MLLT3: variants seen among roughly 807,000 people sequenced by gnomAD.
The protein encoded by MLLT3 is MLLT3 super elongation complex subunit, also known as protein AF-9.
In MLLT3, 4 loss-of-function variants were observed where a neutral mutation model predicts 53.2. The observed-to-expected ratio is 0.08, with a 90% CI of 0.04 to 0.17. The LOEUF (loss-of-function observed/expected upper bound fraction) is 0.17, where lower values mean the gene tolerates loss of function less well. Among genes scored for constraint, MLLT3 ranks in the 10% least tolerant of loss-of-function variants. The pLI is 1.00. For missense variants in MLLT3, 569 were observed against 684.0 expected (o/e 0.83, Z 1.87); for synonymous variants, 283 against 230.6 (o/e 1.23, Z -2.06).
chr9:20,540,172 C>A (rs1320493272), intron 2 of MLLT3, among the ~76,000 whole-genome samples: 1 of 152,214 alleles, frequency 6.6e-6, no homozygotes, highest in South Asian at 2.1e-4. Context: ...AAGGTAGAGC[C>A]GCCACAGCTG....
At chr9:20,393,287 T>A (rs1253472481) in intron 5 of MLLT3, among the ~76,000 whole-genome samples, 2 of 152,210 alleles carry the variant, frequency 1.3e-5, no homozygotes, top group Non-Finnish European at 2.9e-5. Flanking sequence ...TTTCCAAATG[T>A]TCCTTAACTA....
intron 2 of MLLT3, among the ~76,000 whole-genome samples, chr9:20,550,022 C>T (rs958755653): frequency 2.0e-5 from 3 of 152,212 alleles, no homozygotes; most frequent in African/African-American, 4.8e-5. Context: ...GAACTGCTAA[C>T]TAAGGAATTG....
At chr9:20,462,246 C>G (rs1284202709) in intron 2 of MLLT3, among the ~76,000 whole-genome samples, 1 of 152,160 alleles carries the variant, frequency 6.6e-6, no homozygotes, top group Non-Finnish European at 1.5e-5. Context: ...TTTATTCATC[C>G]CACTTCAAAA....
intron 2 of MLLT3, among the ~76,000 whole-genome samples, chr9:20,476,874 T>C (rs547982489): frequency 1.3e-5 from 2 of 152,194 alleles, no homozygotes; most frequent in Non-Finnish European, 2.9e-5. Flanking sequence ...TTTAAATTTA[T>C]ATCAATAACC....
chr9:20,426,909 C>G (rs1823151971), intron 4 of MLLT3, among the ~76,000 whole-genome samples: 1 of 152,130 alleles, frequency 6.6e-6, no homozygotes, highest in African/African-American at 2.4e-5. Context: ...ACACGCATGA[C>G]TGTGTTCTCC....
intron 2 of MLLT3, among the ~76,000 whole-genome samples, chr9:20,551,943 T>C (rs1818935470): frequency 6.6e-6 from 1 of 152,168 alleles, no homozygotes; most frequent in Admixed American, 6.5e-5. Context: ...CACAAACAAA[T>C]ACACAAACCT....
chr9:20,385,099 TTA>T (rs1822002334), intron 5 of MLLT3, among the ~76,000 whole-genome samples: 1 of 152,170 alleles, frequency 6.6e-6, no homozygotes, highest in Non-Finnish European at 1.5e-5. Flanking sequence ...GTAAAGGTAC[TTA>T]ATAAAAATCT....
chr9:20,388,203 C>T (rs1822089400), intron 5 of MLLT3, among the ~76,000 whole-genome samples: 1 of 152,158 alleles, frequency 6.6e-6, no homozygotes, highest in Non-Finnish European at 1.5e-5. Flanking sequence ...TTCTAATAAA[C>T]AACAAAACTA....
chr9:20,476,596 C>T (rs1455795073), intron 2 of MLLT3, among the ~76,000 whole-genome samples: 2 of 151,992 alleles, frequency 1.3e-5, no homozygotes, highest in African/African-American at 2.4e-5. Flanking sequence ...CAAACAAAAG[C>T]TTATAAAATT....
intron 2 of MLLT3, among the ~76,000 whole-genome samples, chr9:20,599,959 C>T (rs1373574327): frequency 1.3e-5 from 2 of 152,000 alleles, no homozygotes; most frequent in South Asian, 2.1e-4. Context: ...TTATATTGTA[C>T]GATGCTAACC....
chr9:20,575,325 G>A (rs923936572), intron 2 of MLLT3, among the ~76,000 whole-genome samples: 1 of 152,100 alleles, frequency 6.6e-6, no homozygotes, highest in Non-Finnish European at 1.5e-5. Context: ...TACTATCTAT[G>A]GCAGCTATAG....
At chr9:20,588,819 C>G (rs1820048458) in intron 2 of MLLT3, among the ~76,000 whole-genome samples, 1 of 151,982 alleles carries the variant, frequency 6.6e-6, no homozygotes. Flanking sequence ...CTTTTCCTAA[C>G]AAACACATGA....
intron 2 of MLLT3, among the ~76,000 whole-genome samples, chr9:20,464,406 T>A (rs927054327): frequency 6.6e-6 from 1 of 152,048 alleles, no homozygotes; most frequent in Non-Finnish European, 1.5e-5. Flanking sequence ...ATAAACGTAA[T>A]TGACAGGTCC....
intron 5 of MLLT3, among the ~76,000 whole-genome samples, chr9:20,397,127 T>C (rs1378212757): frequency 2.0e-5 from 3 of 152,172 alleles, no homozygotes; most frequent in Non-Finnish European, 2.9e-5. Flanking sequence ...CAGAGACTTG[T>C]ATAGCTGTTA....
intron 2 of MLLT3, among the ~76,000 whole-genome samples, chr9:20,560,623 A>C (rs1292367066): frequency 6.6e-6 from 1 of 152,144 alleles, no homozygotes; most frequent in Non-Finnish European, 1.5e-5. Context: ...ATAGTAGAAG[A>C]AGCTGGGTGT....
At chr9:20,571,534 G>A (rs183450606) in intron 2 of MLLT3, among the ~76,000 whole-genome samples, 1 of 152,184 alleles carries the variant, frequency 6.6e-6, no homozygotes, top group Non-Finnish European at 1.5e-5. Flanking sequence ...GTGGTTTGCT[G>A]CACCCATCAA....
chr9:20,514,103 G>A (rs1049858645), intron 2 of MLLT3, among the ~76,000 whole-genome samples: 2 of 152,218 alleles, frequency 1.3e-5, no homozygotes, highest in East Asian at 3.8e-4. Context: ...GTCTCCTGAG[G>A]AAAGCAACAG....
At chr9:20,455,292 G>A (rs995837733) in intron 3 of MLLT3, among the ~76,000 whole-genome samples, 13 of 152,330 alleles carry the variant, frequency 8.5e-5, no homozygotes, top group African/African-American at 3.1e-4. Flanking sequence ...TGGAGAGAAA[G>A]ACCTAGATCA....
intron 2 of MLLT3, among the ~76,000 whole-genome samples, chr9:20,461,841 T>C (rs1824115452): frequency 6.6e-6 from 1 of 152,186 alleles, no homozygotes; most frequent in South Asian, 2.1e-4. Flanking sequence ...TGATAATTAT[T>C]GGCTTTACTT....
Sources: allele counts gnomAD v4.1 joint callset (sites outside exome capture counted in the v4.1 genomes callset), GRCh38; gene constraint gnomAD v4.1.1; transcripts MANE v1.5; gene names NCBI Gene and HGNC (gene_info 2026-07-23, HGNC 2026-07-21).